The following GPAT4 variants were observed in gnomAD, a reference collection of about 807,000 sequenced individuals.
The protein encoded by GPAT4 is 1-AGP acyltransferase 6.
Under a neutral mutation model 58.0 loss-of-function variants are expected in GPAT4, and 17 were observed. That is an observed-to-expected ratio of 0.29 (90% CI 0.20 to 0.44). The LOEUF is 0.44. GPAT4 is among the 20% of genes least tolerant of loss of function. The pLI is 1.00. For missense variants in GPAT4, 377 were observed against 574.5 expected (o/e 0.66, Z 3.51); for synonymous variants, 204 against 210.1 (o/e 0.97, Z 0.25).
At chr8:41,604,395 T>G (rs1803197805) in intron 2 of GPAT4, among the ~76,000 whole-genome samples, 1 of 152,238 alleles carries the variant, frequency 6.6e-6, no homozygotes, top group African/African-American at 2.4e-5. Context: ...TTCTGTTCCC[T>G]TTCCTGGAAG....
At chr8:41,616,501 C>T (rs1359933453) in intron 10 of GPAT4, among the ~76,000 whole-genome samples, 1 of 152,152 alleles carries the variant, frequency 6.6e-6, no homozygotes, top group Non-Finnish European at 1.5e-5. Context: ...CCCCGCGTTG[C>T]TCAGACTGAT....
chr8:41,612,405 G>T, intron 7 of GPAT4, 132 bp downstream of exon 7: 2 of 838,266 alleles, frequency 2.4e-6, no homozygotes, highest in Non-Finnish European at 3.7e-6. Context: ...TGTCACTGTG[G>T]GGGCTCTGTG....
chr8:41,587,502 T>C (rs2150482623), intron 1 of GPAT4, among the ~76,000 whole-genome samples: 1 of 152,302 alleles, frequency 6.6e-6, no homozygotes, highest in South Asian at 2.1e-4. Flanking sequence ...GCACATATTA[T>C]CACTTTGCTC....
At chr8:41,615,451 TG>T (rs33939804) in intron 10 of GPAT4, among the ~76,000 whole-genome samples, 210 of 71,446 alleles carry the variant, frequency 2.9e-3, no homozygotes, top group East Asian at 0.024. Flanking sequence ...CCATGAGGAT[TG>T]GGGGGGGGGT....
At chr8:41,594,377 C>T (rs1316727708) in intron 1 of GPAT4, among the ~76,000 whole-genome samples, 2 of 152,122 alleles carry the variant, frequency 1.3e-5, no homozygotes, top group Non-Finnish European at 2.9e-5. Flanking sequence ...GTATATTTTA[C>T]TTTCCTAATA....
chr8:41,618,451 G>A (rs1018678458), intron 10 of GPAT4: 2 of 571,480 alleles, frequency 3.5e-6, no homozygotes, highest in Admixed American at 3.1e-5. Flanking sequence ...AGGCTGTCAG[G>A]GGAGCCTTCC....
At chr8:41,615,999 C>T (rs1803585462) in intron 10 of GPAT4, among the ~76,000 whole-genome samples, 1 of 152,042 alleles carries the variant, frequency 6.6e-6, no homozygotes, top group African/African-American at 2.4e-5. Context: ...CTGCAGGGGA[C>T]TCTGATTGAC....
chr8:41,619,066 G>C (rs1036404579), intron 12 of GPAT4, 89 bp downstream of exon 12: 70 of 1,493,440 alleles, frequency 4.7e-5, no homozygotes, highest in Non-Finnish European at 6.4e-5. Flanking sequence ...CCGTGGTGTG[G>C]AGAATTAAAC....
intron 1 of GPAT4, among the ~76,000 whole-genome samples, chr8:41,587,932 C>T (rs1308293436): frequency 6.6e-6 from 1 of 152,220 alleles, no homozygotes; most frequent in Non-Finnish European, 1.5e-5. Context: ...AGTGGTTTAT[C>T]AGAATTTCTT....
chr8:41,617,198 C>G (rs974231810), intron 10 of GPAT4, among the ~76,000 whole-genome samples: 47 of 152,186 alleles, frequency 3.1e-4, no homozygotes, highest in African/African-American at 1.1e-3. Context: ...CCCGTCTCTA[C>G]TAAAAATACA....
intron 7 of GPAT4, 38 bp downstream of exon 7, chr8:41,612,311 TC>T (rs1396220179): frequency 1.2e-6 from 2 of 1,607,402 alleles, no homozygotes; most frequent in Non-Finnish European, 1.7e-6. Flanking sequence ...AGGCAAGACT[TC>T]CTGCTTTAGA....
In GPAT4 at chr8:41,612,177, C is replaced by T; in HGVS notation, c.702-3C>T. Reference sequence around the variant, plus strand: ...GGTTGCTTTGCATACATTTTAAACCCAGGGAAAACAGACCAAGAAATGGTG... The same window carrying T: ...GGTTGCTTTGCATACATTTTAAACCTAGGGAAAACAGACCAAGAAATGGTG... On this transcript the variant is annotated splice_polypyrimidine_tract_variant and splice_region_variant and intron_variant, in intron 6 of 12. Transcript: ENST00000396987. The T allele has an allele frequency of 6.2e-7, 1 of 1,614,168 alleles. No individual in the cohort carries two copies. The highest frequency in any genetic ancestry group is 1.1e-5 in the South Asian group (1 of 91,084).
At chr8:41,596,839 G>A (rs1330071765) in intron 1 of GPAT4, among the ~76,000 whole-genome samples, 1 of 152,324 alleles carries the variant, frequency 6.6e-6, no homozygotes, top group South Asian at 2.1e-4. Flanking sequence ...TCAGCTGGGA[G>A]CATCAGTGGA....
rs534267868 is a variant in GPAT4, at chr8:41,624,350, G to A, written c.*3349G>A. 6.6e-6 allele frequency: 1 copy of A among 152,270 alleles called. No homozygotes were observed. The highest frequency in any genetic ancestry group is 2.4e-5 in the African/African-American group (1 of 41,546). 9.4% of individuals were successfully genotyped at this position (152,270 alleles called of 1,614,324 possible). ...TTGGGTGCCATCGTGTGACCTTCAC[G>A]GCACAGCAAACAGTGGGCACTAACC... is the stretch of plus-strand genomic sequence containing the variant. On this transcript the variant is annotated 3_prime_UTR_variant, in exon 13 of 13. Coordinates refer to ENST00000396987, the MANE Select transcript of GPAT4 (RefSeq NM_178819.4).
At chr8:41,583,650 C>T (rs1050300966) in intron 1 of GPAT4, among the ~76,000 whole-genome samples, 1 of 152,124 alleles carries the variant, frequency 6.6e-6, no homozygotes, top group Non-Finnish European at 1.5e-5. Flanking sequence ...ATTTTAAGTG[C>T]TCCAAGGTCA....
chr8:41,624,316 CAG>C lies in GPAT4; in HGVS notation c.*3316_*3317del, dbSNP rs1448290652. 6.6e-6 allele frequency: 1 copy of C among 152,374 alleles called. No individual in the cohort carries two copies. The highest frequency in any genetic ancestry group is 6.5e-5 in the Admixed American group (1 of 15,308). 9.4% of individuals were successfully genotyped at this position (152,374 alleles called of 1,614,324 possible). ...TGAAATGCCCTTCCCAGACCAGTGA[CAG>C]GCATTTTTGGGTGCCATCGTGTGAC... On this transcript the variant is annotated 3_prime_UTR_variant, in exon 13 of 13. Transcript: ENST00000396987.
At chr8:41,579,557 G>T (rs138117003) in intron 1 of GPAT4, among the ~76,000 whole-genome samples, 2 of 151,694 alleles carry the variant, frequency 1.3e-5, no homozygotes, top group East Asian at 3.9e-4. Flanking sequence ...AAAAAGTATG[G>T]CCGGGCGTGG....
intron 1 of GPAT4, among the ~76,000 whole-genome samples, chr8:41,587,723 G>A (rs1802692507): frequency 6.6e-6 from 1 of 152,154 alleles, no homozygotes; most frequent in African/African-American, 2.4e-5. Context: ...CCCCAAGGGG[G>A]TAAAAAAATC....
At position 41,599,079 on chromosome 8, in the gene GPAT4, A is replaced by T. The variant is rs1342982909; in HGVS notation, c.-61A>T. ...CTGGCTGGTGCTGTCAGGAAGGACC[A>T]TCTGAAGGCTGCAATTTGTTCTTAG... On this transcript the variant is annotated 5_prime_UTR_variant, in exon 2 of 13. Coordinates refer to ENST00000396987, the MANE Select transcript of GPAT4 (RefSeq NM_178819.4). 1.3e-6 allele frequency: 2 copies of T among 1,557,408 alleles called. No homozygotes were observed. The highest frequency in any genetic ancestry group is 1.4e-5 in the African/African-American group (1 of 71,962).
Sources: allele counts gnomAD v4.1 joint callset (sites outside exome capture counted in the v4.1 genomes callset), GRCh38; gene constraint gnomAD v4.1.1; transcripts MANE v1.5; gene names NCBI Gene and HGNC (gene_info 2026-07-23, HGNC 2026-07-21).